Variants in SCFD1 observed in about 807,000 individuals in gnomAD.
SCFD1 encodes the protein sec1 family domain-containing protein 1.
Under a neutral mutation model 103.2 loss-of-function variants are expected in SCFD1, and 37 were observed. That is an observed-to-expected ratio of 0.36 (90% CI 0.28 to 0.47). The LOEUF (loss-of-function observed/expected upper bound fraction) is 0.47. SCFD1 is among the 20% of genes least tolerant of loss of function. The probability of loss-of-function intolerance (pLI) is 1.00; values close to 1 mark genes in which losing one functional copy is unlikely to be tolerated. For missense variants in SCFD1, 639 were observed against 761.2 expected (o/e 0.84, Z 1.89); for synonymous variants, 264 against 245.0 (o/e 1.08, Z -0.73).
intron 19 of SCFD1, among the ~76,000 whole-genome samples, chr14:30,710,426 G>T (rs374491232): frequency 6.7e-6 from 1 of 148,500 alleles, no homozygotes; most frequent in African/African-American, 2.5e-5. Flanking sequence ...TCAAGTAAAA[G>T]TAATAGTCAT....
intron 4 of SCFD1, among the ~76,000 whole-genome samples, chr14:30,637,357 A>G (rs997172215): frequency 2.0e-5 from 3 of 152,012 alleles, no homozygotes; most frequent in Non-Finnish European, 2.9e-5. Context: ...CATATTACTT[A>G]TTTCTCAATC....
chr14:30,705,791 T>A, intron 17 of SCFD1, 32 bp from the exon 18 acceptor site: 1 of 1,574,088 alleles, frequency 6.4e-7, no homozygotes, highest in African/African-American at 1.3e-5. Context: ...TTCTAATAAT[T>A]AGCTTTTAAG....
At chr14:30,683,233 G>T in intron 14 of SCFD1, 1 of 1,103,512 alleles carries the variant, frequency 9.1e-7, no homozygotes. Flanking sequence ...ATACAGGGCA[G>T]ACCACTTGTC....
At chr14:30,680,005 G>A (rs1241834531) in intron 14 of SCFD1, among the ~76,000 whole-genome samples, 1 of 151,996 alleles carries the variant, frequency 6.6e-6, no homozygotes, top group Non-Finnish European at 1.5e-5. Flanking sequence ...GCTTTGTTTT[G>A]TTTTTTATTG....
Position 30,703,930 on chromosome 14 carries a change from T to C in SCFD1, c.1490+1555T>C, listed in dbSNP as rs868650609. ...ATTTGCATATATATATATATATATA[T>C]ATATATATATATATATATATATATA... On this transcript the variant is annotated intron_variant, in intron 17 of 24. Transcript: ENST00000458591. Among the ~76,000 whole-genome samples, 2 of 64,634 alleles carry C rather than the reference T, an allele frequency of 3.1e-5. 1 individual carries two copies. The highest frequency in any genetic ancestry group is 6.1e-5 in the Non-Finnish European group (2 of 32,652). 42.4% of individuals were successfully genotyped at this position (64,634 alleles called of 152,430 possible).
At chr14:30,622,504 G>A (rs1467034041) in intron 1 of SCFD1, 105 bp downstream of exon 1, 4 of 1,475,282 alleles carry the variant, frequency 2.7e-6, no homozygotes, top group Non-Finnish European at 3.6e-6. Context: ...GTTTAATCCA[G>A]TCCCTAGAAC....
chr14:30,691,560 A>G (rs1334583927), intron 14 of SCFD1, among the ~76,000 whole-genome samples: 1 of 152,210 alleles, frequency 6.6e-6, no homozygotes, highest in African/African-American at 2.4e-5. Flanking sequence ...GTGCTCCCTC[A>G]TAATCAGTAT....
chr14:30,681,235 AGCGCTCAAC>A (rs1889452032), intron 14 of SCFD1, among the ~76,000 whole-genome samples: 1 of 151,548 alleles, frequency 6.6e-6, no homozygotes, highest in Non-Finnish European at 1.5e-5. Context: ...AAAAAAAAAA[AGCGCTCAAC>A]ATACTGGTTG....
chr14:30,668,803 C>T (rs1308632803), intron 10 of SCFD1, among the ~76,000 whole-genome samples: 1 of 152,182 alleles, frequency 6.6e-6, no homozygotes, highest in Non-Finnish European at 1.5e-5. Context: ...TGAAAAAATG[C>T]TCATCGTCAC....
chr14:30,703,127 A>G (rs1231663494), intron 17 of SCFD1, among the ~76,000 whole-genome samples: 1 of 151,984 alleles, frequency 6.6e-6, no homozygotes, highest in African/African-American at 2.4e-5. Context: ...CGAGCATGAT[A>G]AACAAGGCCC....
intron 21 of SCFD1, among the ~76,000 whole-genome samples, chr14:30,720,281 G>A (rs1192621709): frequency 6.6e-6 from 1 of 152,122 alleles, no homozygotes; most frequent in Non-Finnish European, 1.5e-5. Context: ...TGTGGAAAGG[G>A]GGATGAGGAT....
intron 8 of SCFD1, among the ~76,000 whole-genome samples, chr14:30,650,001 A>G (rs925829924): frequency 3.9e-5 from 6 of 152,236 alleles, no homozygotes; most frequent in African/African-American, 9.6e-5. Flanking sequence ...TATTAAGTAT[A>G]AAGTAGGTGT....
At chr14:30,733,439 G>T (rs772875824) in intron 23 of SCFD1, among the ~76,000 whole-genome samples, 9 of 152,142 alleles carry the variant, frequency 5.9e-5, no homozygotes, top group Non-Finnish European at 1.2e-4. Flanking sequence ...CACTTCATTG[G>T]ATGGCTAAAA....
At chr14:30,729,953 C>A (rs542560969) in intron 23 of SCFD1, among the ~76,000 whole-genome samples, 2 of 152,018 alleles carry the variant, frequency 1.3e-5, no homozygotes, top group South Asian at 2.1e-4. Context: ...TGGTGTGCTG[C>A]GCCCATTAAC....
At chr14:30,629,146 G>A (rs1164199644) in intron 2 of SCFD1, among the ~76,000 whole-genome samples, 2 of 151,814 alleles carry the variant, frequency 1.3e-5, no homozygotes, top group African/African-American at 4.8e-5. Flanking sequence ...GAATTTCTTG[G>A]GTACAAATTT....
intron 15 of SCFD1, among the ~76,000 whole-genome samples, chr14:30,697,812 C>T (rs1285333307): frequency 1.3e-5 from 2 of 152,030 alleles, no homozygotes; most frequent in East Asian, 3.9e-4. Context: ...CCATGCAAGT[C>T]AAGGAAAAAT....
At position 30,700,231 on chromosome 14, in the gene SCFD1, T is replaced by C. The variant is rs770069626; in HGVS notation, c.1383T>C (p.Tyr461=). 8.7e-6 allele frequency: 14 copies of C among 1,611,330 alleles called. No homozygotes were observed. The highest frequency in any genetic ancestry group is 5.9e-6 in the Non-Finnish European group (7 of 1,177,636). The change falls in exon 16 of 25, where the codon TAT becomes TAC. Residue 461 remains tyrosine, a synonymous_variant. Coordinates refer to ENST00000458591, the MANE Select transcript of SCFD1 (RefSeq NM_016106.4). ...AAATGAGGTTGTTTCTTATCTATTA[T>C]ATAAGCACACAGCAAGCACCTTCTG... ...EDKMRLFLIY[Y]ISTQQAPSEA... is the part of the protein sequence containing the mutation.
chr14:30,724,257 T>TTTC (rs1892875238), intron 23 of SCFD1, among the ~76,000 whole-genome samples: 1 of 135,436 alleles, frequency 7.4e-6, no homozygotes, highest in African/African-American at 2.8e-5. Flanking sequence ...TTTTTTTTTT[T>TTTC]TTTTTTTTTT....
chr14:30,636,614 A>G (rs554822631), intron 4 of SCFD1, among the ~76,000 whole-genome samples: 1 of 152,204 alleles, frequency 6.6e-6, no homozygotes, highest in South Asian at 2.1e-4. Context: ...TGTACCACAC[A>G]GTGTTGATAT....
Sources: allele counts gnomAD v4.1 joint callset (sites outside exome capture counted in the v4.1 genomes callset), GRCh38; gene constraint gnomAD v4.1.1; transcripts MANE v1.5; gene names NCBI Gene and HGNC (gene_info 2026-07-23, HGNC 2026-07-21).